Variants in PIEZO2 observed in about 807,000 individuals in gnomAD.
PIEZO2 encodes piezo type mechanosensitive ion channel component 2.
Under a neutral mutation model 337.3 loss-of-function variants are expected in PIEZO2, and 172 were observed. That is an observed-to-expected ratio of 0.51 (90% CI 0.45 to 0.58). The LOEUF (loss-of-function observed/expected upper bound fraction) is 0.58, where lower values mean the gene tolerates loss of function less well. PIEZO2 is among the 20% of genes least tolerant of loss of function. The pLI, the probability that PIEZO2 is intolerant of heterozygous loss-of-function variation, is 0.00. For missense variants in PIEZO2, 3,028 were observed against 3,391.3 expected, an observed-to-expected ratio of 0.89 and a Z score of 2.66; for synonymous variants, 1,251 against 1,228.5, an observed-to-expected ratio of 1.02 and a Z score of -0.38.
chr18:10,902,727 T>G (rs2043081366), intron 4 of PIEZO2, among the ~76,000 whole-genome samples: 1 of 152,232 alleles, frequency 6.6e-6, no homozygotes, highest in Non-Finnish European at 1.5e-5. Flanking sequence ...TAAGAGAGTT[T>G]ACCACTGAAA....
rs189783837 is a variant in PIEZO2, at chr18:10,759,847, G to C, written c.3513C>G (p.His1171Gln). 2.6e-6 allele frequency: 4 copies of C among 1,537,360 alleles called. No individual in the cohort carries two copies. In the African/African-American group the frequency reaches 5.5e-5, roughly 21 times the overall value. ...GQRMDFYAMIHACWLIAVLYR... is the reference protein window; with the variant it reads ...GQRMDFYAMIQACWLIAVLYR... ...ATAAGACAGCGATCAGCCAGCAGGC[G>C]TGGATCATGGCATAGAAATCCATTC... is the stretch of plus-strand genomic sequence containing the variant. Residue 1171 changes from histidine to glutamine, a missense_variant, in exon 25 of 56, where the codon CAC becomes CAG. His to Gln is a conservative substitution (Grantham distance 24, BLOSUM62 0). Around this residue, in one of 5 missense-constraint regions of PIEZO2, gnomAD observed 1,925 missense variants for 2,051.9 expected, o/e 0.94. Coordinates refer to ENST00000674853, the MANE Select transcript of PIEZO2 (RefSeq NM_001378183.1). The surrounding 1 kb of genome is among the most constrained non-coding windows in gnomAD (Gnocchi z 5.5).
intron 45 of PIEZO2, 76 bp downstream of exon 45, chr18:10,697,672 C>G: frequency 6.5e-7 from 1 of 1,545,808 alleles, no homozygotes; most frequent in Non-Finnish European, 8.7e-7. Context: ...CTCTGCTCTG[C>G]TCCTGGTTTA....
chr18:10,929,625 G>C lies in PIEZO2; in HGVS notation c.287-18397C>G, dbSNP rs775091208. ...AGGAAAATGCCTCTACCAACCTCTC[G>C]GGTCTCAGGACAGATCCCGCTATCC... is the stretch of plus-strand genomic sequence containing the variant. On this transcript the variant is annotated intron_variant, in intron 3 of 55. Transcript: ENST00000674853. This position sits in a 1 kb window ranked among gnomAD's most constrained non-coding sequence, Gnocchi z 5.6. Among the ~76,000 whole-genome samples the C allele has an allele frequency of 6.6e-6, 1 of 152,052 alleles. No homozygotes were observed. The highest frequency in any genetic ancestry group is 2.4e-5 in the African/African-American group (1 of 41,408).
chr18:10,871,493 T>C (rs543212649), intron 4 of PIEZO2, 78 bp from the exon 5 acceptor site: 4 of 1,329,350 alleles, frequency 3.0e-6, no homozygotes, highest in African/African-American at 1.5e-5. Context: ...ATAGGATGTT[T>C]TGGTCTTCTT....
chr18:11,083,052 T>A lies in PIEZO2; in HGVS notation c.65-16830A>T, dbSNP rs543910814. On this transcript the variant is annotated intron_variant, in intron 1 of 55. Coordinates refer to ENST00000674853, the MANE Select transcript of PIEZO2 (RefSeq NM_001378183.1). The surrounding 1 kb of genome is among the most constrained non-coding windows in gnomAD (Gnocchi z 4.4). ...CCTTATGGATGTGGACATCACCTCT[T>A]GATTCTGCAGAGTTCACTTAGGCCG... Among the ~76,000 whole-genome samples, 6 of 152,288 alleles carry A rather than the reference T, an allele frequency of 3.9e-5. No individual in the cohort carries two copies. In the South Asian group the frequency reaches 1.2e-3, roughly 32 times the overall value.
chr18:10,808,495 GT>G (rs1412836131), intron 7 of PIEZO2, among the ~76,000 whole-genome samples: 1 of 152,136 alleles, frequency 6.6e-6, no homozygotes, highest in Non-Finnish European at 1.5e-5. Context: ...ATCTCTCAGG[GT>G]GAATGCTGTT....
intron 43 of PIEZO2, among the ~76,000 whole-genome samples, chr18:10,699,739 T>C (rs1306738818): frequency 1.3e-5 from 2 of 152,194 alleles, no homozygotes; most frequent in Non-Finnish European, 2.9e-5. Flanking sequence ...ATAATTAAGA[T>C]GGAGACAGAT....
intron 1 of PIEZO2, among the ~76,000 whole-genome samples, chr18:11,113,775 A>G (rs1007512864): frequency 6.6e-6 from 1 of 152,202 alleles, no homozygotes; most frequent in Non-Finnish European, 1.5e-5. Context: ...CTTCCTGGCC[A>G]CCGCCCTCCA....
Position 11,053,842 on chromosome 18 carries a change from C to G in PIEZO2, c.160+12285G>C, listed in dbSNP as rs181158033. Among the ~76,000 whole-genome samples, 578 of 152,052 alleles carry G rather than the reference C, an allele frequency of 3.8e-3. 4 individuals carry two copies. Among genetic ancestry groups the G allele is most frequent in the African/African-American group, 0.012 (483 of 41,468 alleles). ...ACCAGCCTGGACAACGTGGTAAAAC[C>G]CCGTCTCTACTAAAAAAAAAAAATT... is the stretch of plus-strand genomic sequence containing the variant. On this transcript the variant is annotated intron_variant, in intron 2 of 55. Coordinates refer to ENST00000674853, the MANE Select transcript of PIEZO2 (RefSeq NM_001378183.1).
intron 34 of PIEZO2, 44 bp downstream of exon 34, chr18:10,736,560 A>T: frequency 6.5e-7 from 1 of 1,535,672 alleles, no homozygotes; most frequent in South Asian, 1.2e-5. Flanking sequence ...GTCAATAAGA[A>T]AAGCTCTTCC....
intron 31 of PIEZO2, among the ~76,000 whole-genome samples, chr18:10,743,426 A>G (rs531110336): frequency 1.3e-5 from 2 of 152,246 alleles, no homozygotes; most frequent in South Asian, 4.1e-4. Context: ...CAGAGGTTCC[A>G]TCATTGCTGG....
intron 17 of PIEZO2, among the ~76,000 whole-genome samples, chr18:10,782,229 A>G (rs1392693054): frequency 7.7e-6 from 1 of 130,004 alleles, no homozygotes; most frequent in African/African-American, 2.9e-5. Context: ...ATCATAATAT[A>G]TATGATTATA....
chr18:11,018,494 G>C (rs1403130419), intron 2 of PIEZO2, among the ~76,000 whole-genome samples: 1 of 150,528 alleles, frequency 6.6e-6, no homozygotes, highest in Non-Finnish European at 1.5e-5. Context: ...TGATCTGTTG[G>C]CAGGAAGATT....
At chr18:11,046,618 G>T (rs1181178454) in intron 2 of PIEZO2, among the ~76,000 whole-genome samples, 1 of 152,240 alleles carries the variant, frequency 6.6e-6, no homozygotes, top group African/African-American at 2.4e-5. Flanking sequence ...TGCTCGCTCA[G>T]GTCTTGCCTC....
rs2040267813 is a variant in PIEZO2, at chr18:10,813,701, G to A, written c.918-6427C>T. 6.6e-6 allele frequency among the ~76,000 whole-genome samples: 1 copy of A among 152,120 alleles called. No individual in the cohort carries two copies. On this transcript the variant is annotated intron_variant, in intron 7 of 55. Coordinates refer to ENST00000674853, the MANE Select transcript of PIEZO2 (RefSeq NM_001378183.1). The surrounding 1 kb of genome is among the most constrained non-coding windows in gnomAD (Gnocchi z 4.2). ...TCATAACGCTGTTATGAACATGGGTGAACAAATATCTCTTCAAGACCCTGT... is the reference window on the plus strand; with the variant it reads ...TCATAACGCTGTTATGAACATGGGTAAACAAATATCTCTTCAAGACCCTGT...
rs180977502 is a variant in PIEZO2 at position 10,746,085 on chromosome 18, C to A, written c.4425-1854G>T. Among the ~76,000 whole-genome samples the A allele has an allele frequency of 5.3e-5, 8 of 152,322 alleles. No homozygotes were observed. In the East Asian group the frequency reaches 1.5e-3, roughly 29 times the overall value. ...CAGTGATCCTATCCTGGTCTAGCTG[C>A]TATCTCTACCCTGGATTATCATAGC... On this transcript the variant is annotated intron_variant, in intron 30 of 55. Transcript: ENST00000674853. This position sits in a 1 kb window ranked among gnomAD's most constrained non-coding sequence, Gnocchi z 4.2.
At chr18:10,686,135 G>C (rs2034535841) in intron 49 of PIEZO2, among the ~76,000 whole-genome samples, 1 of 152,160 alleles carries the variant, frequency 6.6e-6, no homozygotes, top group Admixed American at 6.5e-5. Context: ...TGCCCTTGTT[G>C]GGCTTGATCC....
chr18:10,984,983 T>C (rs2034813215), intron 2 of PIEZO2, among the ~76,000 whole-genome samples: 1 of 152,190 alleles, frequency 6.6e-6, no homozygotes, highest in Non-Finnish European at 1.5e-5. Flanking sequence ...ATACTATACC[T>C]GTCAAAGCTG....
At chr18:11,020,200 T>C (rs942414796) in intron 2 of PIEZO2, among the ~76,000 whole-genome samples, 2 of 152,282 alleles carry the variant, frequency 1.3e-5, no homozygotes, top group Non-Finnish European at 2.9e-5. Context: ...AAAGATGAGA[T>C]TGTGACTTTT....
Sources: gnomAD v4.1 joint callset for allele counts (sites outside exome capture counted in the v4.1 genomes callset) on GRCh38, gnomAD v4.1.1 for gene constraint, gnomAD v4.1.1 regional missense constraint, Gnocchi (gnomAD v3.1) non-coding constraint, MANE v1.5 for transcripts, NCBI Gene and HGNC (gene_info 2026-07-23, HGNC 2026-07-21) for gene names.